The following DYNC2I1 variants were observed in gnomAD, a reference collection of about 807,000 sequenced individuals.
DYNC2I1 encodes the protein dynein 2 intermediate chain 1.
DYNC2I1 carries 89 observed loss-of-function variants against 133.4 expected under a neutral mutation model. That is an observed-to-expected ratio of 0.67 (90% confidence interval 0.56 to 0.80). DYNC2I1 has a LOEUF of 0.80. DYNC2I1 is among the 30% of genes least tolerant of loss of function. The probability of loss-of-function intolerance (pLI) is 0.00; values close to 1 mark genes in which losing one functional copy is unlikely to be tolerated. For missense variants in DYNC2I1, 1,291 were observed against 1,314.5 expected, an observed-to-expected ratio of 0.98 and a Z score of 0.28; for synonymous variants, 504 against 484.3, an observed-to-expected ratio of 1.04 and a Z score of -0.54.
chr7:158,919,552 C>T (rs573504650), intron 15 of DYNC2I1, among the ~76,000 whole-genome samples: 65 of 152,254 alleles, frequency 4.3e-4, no homozygotes, highest in African/African-American at 1.4e-3. Context: ...AGAGGTGGTC[C>T]GTGTGGCCGT....
chr7:158,840,122 A>G, the DYNC2I1 span, among the ~76,000 whole-genome samples: 787 of 152,128 alleles, frequency 5.2e-3, 6 homozygotes, highest in African/African-American at 0.018. Context: ...GAGGTGGTTG[A>G]CTTTTGTGAC....
intron 3 of DYNC2I1, among the ~76,000 whole-genome samples, chr7:158,874,063 C>G (rs756861843): frequency 9.2e-5 from 14 of 151,724 alleles, no homozygotes; most frequent in Non-Finnish European, 1.9e-4. Context: ...CCGGCCAGCA[C>G]CTGGATAATT....
At chr7:158,921,515 CTAT>C (rs963599705) in intron 15 of DYNC2I1, among the ~76,000 whole-genome samples, 17 of 152,134 alleles carry the variant, frequency 1.1e-4, no homozygotes, top group Non-Finnish European at 2.1e-4. Flanking sequence ...CTAAAAACAA[CTAT>C]TAAATACGGC....
chr7:158,856,677 G>A lies in DYNC2I1; in HGVS notation c.-59G>A. The A allele has an allele frequency of 8.1e-7, 1 of 1,231,570 alleles. No individual in the cohort carries two copies. The highest frequency in any genetic ancestry group is 1.0e-6 in the Non-Finnish European group (1 of 986,678). 76.3% of individuals were successfully genotyped at this position (1,231,570 alleles called of 1,614,324 possible). A position where few individuals can be genotyped will look rare whatever the true frequency, so the allele number is the denominator to read the frequency against. On this transcript the variant is annotated 5_prime_UTR_variant, in exon 1 of 25. Transcript: ENST00000407559. ...TGCGGGGCACAGGTGGCCTCTTCGG[G>A]GTGGACCGCGCCTGGCCGGGGCCGA...
intron 6 of DYNC2I1, among the ~76,000 whole-genome samples, chr7:158,886,253 T>C (rs372564602): frequency 1.3e-5 from 2 of 152,072 alleles, no homozygotes; most frequent in South Asian, 2.1e-4. Flanking sequence ...TGCCTCAGCC[T>C]CCTGAGTAGC....
intron 11 of DYNC2I1, among the ~76,000 whole-genome samples, chr7:158,907,999 A>G (rs1847017947): frequency 6.6e-6 from 1 of 152,114 alleles, no homozygotes; most frequent in African/African-American, 2.4e-5. Flanking sequence ...TATATGGATT[A>G]TTTTGGATCA....
intron 23 of DYNC2I1, among the ~76,000 whole-genome samples, chr7:158,935,517 T>C (rs1454720823): frequency 6.6e-6 from 1 of 152,260 alleles, no homozygotes. Context: ...AAGATTGTTA[T>C]TTATTCACAC....
chr7:158,840,104 T>C, the DYNC2I1 span, among the ~76,000 whole-genome samples: 17,977 of 152,104 alleles, frequency 0.12, 1,459 homozygotes, highest in East Asian at 0.43. Flanking sequence ...TGTGAGCCAC[T>C]TCACCCAGAG....
intron 23 of DYNC2I1, among the ~76,000 whole-genome samples, chr7:158,937,202 T>G (rs534936043): frequency 6.6e-6 from 1 of 152,260 alleles, no homozygotes; most frequent in African/African-American, 2.4e-5. Context: ...TTGAAATAAT[T>G]TAAAAAATCA....
At chr7:158,937,586 C>T (rs891061732) in intron 23 of DYNC2I1, among the ~76,000 whole-genome samples, 7 of 137,896 alleles carry the variant, frequency 5.1e-5, no homozygotes, top group Non-Finnish European at 1.1e-4. Context: ...AGATTGTGGG[C>T]ACTCCAGCCT....
At chr7:158,891,370 G>C (rs749260080) in intron 8 of DYNC2I1, 37 bp downstream of exon 8, 5 of 1,612,482 alleles carry the variant, frequency 3.1e-6, no homozygotes, top group Non-Finnish European at 4.2e-6. Flanking sequence ...TTGCAATCCT[G>C]TCCCAGCACA....
At position 158,879,783 on chromosome 7, in the gene DYNC2I1, A is replaced by G; in HGVS notation, c.673A>G (p.Asn225Asp). 1 of 1,612,874 alleles carries G rather than the reference A, an allele frequency of 6.2e-7. No individual in the cohort carries two copies. The highest frequency in any genetic ancestry group is 8.5e-7 in the Non-Finnish European group (1 of 1,179,602). ...HRKPREPDRD[N>D]KHREKSSTRE... The stretch of plus-strand genomic sequence containing the variant: ...GAAGCCCAGAGAGCCAGATCGAGAC[A>G]ACAAACACCGAGAAAAAAGCAGCAC... Residue 225 changes from asparagine to aspartate, a missense_variant, in exon 5 of 25, where the codon AAC becomes GAC. Asn to Asp is a conservative substitution (Grantham distance 23). Transcript: ENST00000407559.
At chr7:158,884,898 T>A (rs1392451388) in intron 6 of DYNC2I1, among the ~76,000 whole-genome samples, 1 of 152,240 alleles carries the variant, frequency 6.6e-6, no homozygotes, top group Non-Finnish European at 1.5e-5. Flanking sequence ...TTTGTATTTA[T>A]TGCCTCAGGA....
rs751377941 is a variant in DYNC2I1 at position 158,911,661 on chromosome 7, GA to G, written c.1580del (p.Asn527IlefsTer23). ...ATGACATGTATATCAGAAACTTTGG[GA>G]AAAAAAATACCAAGCAGGTAAGTAT... ...EYDMYIRNFGKKNTKQAYVQC... is the reference protein window; with the variant it reads ...EYDMYIRNFGXKNTKQAYVQC... On this transcript the variant is annotated frameshift_variant, in exon 12 of 25. Transcript: ENST00000407559. LOFTEE classifies it high-confidence loss of function. 9 of 1,600,642 alleles carry G rather than the reference GA, an allele frequency of 5.6e-6. No homozygotes were observed. Among genetic ancestry groups the G allele is most frequent in the South Asian group, 3.4e-5 (3 of 87,992 alleles).
chr7:158,877,024 A>G (rs1315318299), intron 4 of DYNC2I1, among the ~76,000 whole-genome samples: 1 of 152,228 alleles, frequency 6.6e-6, no homozygotes, highest in East Asian at 1.9e-4. Flanking sequence ...TATGTATAAC[A>G]TTGTTTTCTT....
chr7:158,939,879 A>C (rs1418352038), intron 23 of DYNC2I1, among the ~76,000 whole-genome samples: 4 of 152,258 alleles, frequency 2.6e-5, no homozygotes, highest in Non-Finnish European at 4.4e-5. Flanking sequence ...AAAGGGGTCT[A>C]TATATAATGA....
chr7:158,933,465 C>T (rs1452125362), intron 21 of DYNC2I1, among the ~76,000 whole-genome samples: 3 of 152,128 alleles, frequency 2.0e-5, no homozygotes, highest in South Asian at 2.1e-4. Flanking sequence ...AGAACTGAGA[C>T]CCCTGCACAG....
intron 11 of DYNC2I1, among the ~76,000 whole-genome samples, chr7:158,907,586 C>T (rs78057363): frequency 0.045 from 6,857 of 151,552 alleles, 229 homozygotes; most frequent in Non-Finnish European, 0.064. Context: ...CCTTTCCGTT[C>T]CCTTTCCTTT....
At chr7:158,840,219 G>A in the DYNC2I1 span, among the ~76,000 whole-genome samples, 2 of 151,886 alleles carry the variant, frequency 1.3e-5, no homozygotes, top group Non-Finnish European at 1.5e-5. Context: ...ATCGAGACCA[G>A]CCCGGGCAAC....
Sources: allele counts gnomAD v4.1 joint callset (sites outside exome capture counted in the v4.1 genomes callset), GRCh38; gene constraint gnomAD v4.1.1; transcripts MANE v1.5; gene names NCBI Gene and HGNC (gene_info 2026-07-23, HGNC 2026-07-21).